The following KHNYN variants were observed in gnomAD, a reference collection of about 807,000 sequenced individuals.
KHNYN encodes the protein KH and NYN domain containing.
KHNYN carries 42 observed loss-of-function variants against 62.7 expected under a neutral mutation model. The observed-to-expected ratio is 0.67, with a 90% CI of 0.52 to 0.87. The LOEUF is 0.87. Among genes scored for constraint, KHNYN ranks in the 40% least tolerant of loss-of-function variants. The probability of loss-of-function intolerance (pLI) is 0.00; values close to 1 mark genes in which losing one functional copy is unlikely to be tolerated. For synonymous variants in KHNYN, 347 were observed against 345.6 expected, an observed-to-expected ratio of 1.00 and a Z score of -0.04; for missense variants, 829 against 874.1, an observed-to-expected ratio of 0.95 and a Z score of 0.65.
intron 5 of KHNYN, chr14:24,434,274 A>G (rs2043171234): frequency 1.0e-6 from 1 of 985,354 alleles, no homozygotes; most frequent in African/African-American, 1.7e-5. Flanking sequence ...AGTAACAGTG[A>G]ATAAGCACAG....
chr14:24,432,608 G>A lies in KHNYN; in HGVS notation c.1347G>A (p.Met449Ile). ...HIVIDGSNVA[M>I]VHGLQHYFSS... ...TCATTGACGGCAGCAACGTGGCCAT[G>A]GTGTGAGTACCTGGTGGGGCTAAGG... Residue 449 changes from methionine to isoleucine, a missense_variant and splice_region_variant, in exon 3 of 8, where the codon ATG (methionine) becomes ATA (isoleucine). Met to Ile is a conservative substitution (Grantham distance 10, BLOSUM62 1). Around this residue, in one of 2 missense-constraint regions of KHNYN, gnomAD observed 270 missense variants for 347.1 expected, o/e 0.78. Transcript: ENST00000553935. The surrounding 1 kb of genome is among the most constrained non-coding windows in gnomAD (Gnocchi z 5.6). The A allele has an allele frequency of 6.2e-7, 1 of 1,606,906 alleles. No individual in the cohort carries two copies.
chr14:24,434,196 G>A (rs2043170088), intron 5 of KHNYN: 1 of 985,268 alleles, frequency 1.0e-6, no homozygotes, highest in South Asian at 4.7e-5. Context: ...GAATGTTAAA[G>A]GCATGTGTCT....
upstream of KHNYN, chr14:24,429,072 A>G (rs1374472472): frequency 2.0e-6 from 3 of 1,474,768 alleles, no homozygotes; most frequent in Middle Eastern, 4.5e-4. Flanking sequence ...GGGCTCTGCA[A>G]CCCACAAGTG....
chr14:24,424,694 G>A (rs555063231), upstream of KHNYN, among the ~76,000 whole-genome samples: 1 of 152,336 alleles, frequency 6.6e-6, no homozygotes, highest in South Asian at 2.1e-4. Flanking sequence ...GAAGGACTTG[G>A]CTTGCAGTTG....
Position 24,439,752 on chromosome 14 carries a change from G to A in KHNYN, c.*2467G>A, listed in dbSNP as rs1410031061. The A allele has an allele frequency of 5.0e-6, 1 of 198,670 alleles. No homozygotes were observed. The highest frequency in any genetic ancestry group is 1.0e-5 in the Non-Finnish European group (1 of 99,256). The allele number at this position is 198,670 out of a possible 1,614,324, so 12.3% of individuals were successfully genotyped here. A position where few individuals can be genotyped will look rare whatever the true frequency, so the allele number is the denominator to read the frequency against. The stretch of plus-strand genomic sequence containing the variant: ...AAATCCCAGGAGAATCTAGGCCAAA[G>A]AGATGAGCCAAGGTTAGTGAGACAA... On this transcript the variant is annotated 3_prime_UTR_variant, in exon 8 of 8. Coordinates refer to ENST00000553935, the MANE Select transcript of KHNYN (RefSeq NM_015299.3).
rs772245487 is a variant in KHNYN, at chr14:24,437,335, G to C, written c.*50G>C. 6.4e-7 allele frequency: 1 copy of C among 1,571,320 alleles called. No homozygotes were observed. Among genetic ancestry groups the C allele is most frequent in the Non-Finnish European group, 8.6e-7 (1 of 1,156,878 alleles). On this transcript the variant is annotated 3_prime_UTR_variant, in exon 8 of 8. Transcript: ENST00000553935. This position sits in a 1 kb window ranked among gnomAD's most constrained non-coding sequence, Gnocchi z 5.5. The stretch of plus-strand genomic sequence containing the variant: ...GCCCTGTCAGCTCCAGCCGCCTCCA[G>C]CTCAGCCCTTTCTGTGAGAGTCCCT...
intron 5 of KHNYN, chr14:24,435,864 G>A (rs903226645): frequency 1.5e-4 from 88 of 583,210 alleles, no homozygotes; most frequent in Non-Finnish European, 2.6e-4. Context: ...AACTTCTGGG[G>A]TTGGGGCCTT....
In KHNYN at chr14:24,438,229, A is replaced by G. The variant is rs2139400051; in HGVS notation, c.*944A>G. 6.6e-6 allele frequency: 1 copy of G among 152,660 alleles called. No homozygotes were observed. Among genetic ancestry groups the G allele is most frequent in the East Asian group, 1.9e-4 (1 of 5,206 alleles). The allele number at this position is 152,660 out of a possible 1,614,324, so 9.5% of individuals were successfully genotyped here. A position where few individuals can be genotyped will look rare whatever the true frequency, so the allele number is the denominator to read the frequency against. ...TGTTGTATTCAGGTGTTGTTTACAG[A>G]CTAACAAATGTGTTGGCAAATCCCT... On this transcript the variant is annotated 3_prime_UTR_variant, in exon 8 of 8. Transcript: ENST00000553935.
chr14:24,440,356 G>T lies in KHNYN; in HGVS notation c.*3071G>T. The T allele has an allele frequency of 1.2e-6, 2 of 1,614,024 alleles. No individual in the cohort carries two copies. The highest frequency in any genetic ancestry group is 1.7e-6 in the Non-Finnish European group (2 of 1,179,894). Reference sequence around the variant, plus strand: ...GCACGTGGTTTGCTTCAAGGGCATGGGTCAGGATTCCTGCCAGGTCCCCGA... The same window carrying T: ...GCACGTGGTTTGCTTCAAGGGCATGTGTCAGGATTCCTGCCAGGTCCCCGA... On this transcript the variant is annotated 3_prime_UTR_variant, in exon 8 of 8. Coordinates refer to ENST00000553935, the MANE Select transcript of KHNYN (RefSeq NM_015299.3).
At chr14:24,428,044 C>G, upstream of KHNYN, 5 of 1,542,930 alleles carry the variant, frequency 3.2e-6, no homozygotes, top group Non-Finnish European at 4.4e-6. Context: ...GGACCCCCCA[C>G]TTTCCCAGGA....
At chr14:24,429,086 C>T (rs1407315387), upstream of KHNYN, 41 of 1,463,648 alleles carry the variant, frequency 2.8e-5, no homozygotes, top group African/African-American at 4.3e-5. Flanking sequence ...ACAAGTGCCC[C>T]GGTCTTCTGC....
Position 24,431,958 on chromosome 14 carries a change from G to T in KHNYN, c.697G>T (p.Glu233Ter), listed in dbSNP as rs183267849. The T allele has an allele frequency of 1.2e-6, 2 of 1,613,312 alleles. No individual in the cohort carries two copies. The highest frequency in any genetic ancestry group is 1.7e-6 in the Non-Finnish European group (2 of 1,179,450). The change falls in exon 3 of 8, where the codon GAG becomes TAG. Residue 233 changes from glutamate to a stop codon, truncating the protein, a stop_gained. Coordinates refer to ENST00000553935, the MANE Select transcript of KHNYN (RefSeq NM_015299.3). LOFTEE classifies it high-confidence loss of function. ...GVRAPPSDGR[E>*]SLDTGSMGPG... ...GAGAGCTCCCCCTAGTGACGGCAGGGAGTCCCTGGACACTGGATCTATGGG... is the reference window on the plus strand; with the variant it reads ...GAGAGCTCCCCCTAGTGACGGCAGGTAGTCCCTGGACACTGGATCTATGGG...
chr14:24,429,536 C>T (rs1033984856), upstream of KHNYN: 11 of 450,644 alleles, frequency 2.4e-5, no homozygotes, highest in Non-Finnish European at 4.5e-5. Flanking sequence ...TTCTTCGTGG[C>T]ATCTTTCCGT....
the KHNYN span, among the ~76,000 whole-genome samples, chr14:24,423,453 G>A: frequency 6.6e-6 from 1 of 152,166 alleles, no homozygotes; most frequent in Admixed American, 6.5e-5. Flanking sequence ...AGACAGGCAG[G>A]AGGAAGCAGA....
chr14:24,433,067 T>C (rs1301271319), intron 5 of KHNYN, 35 bp downstream of exon 5: 1 of 1,566,966 alleles, frequency 6.4e-7, no homozygotes, highest in South Asian at 1.1e-5. Flanking sequence ...GGCTTGATAT[T>C]GAAGGAGCCC....
At chr14:24,425,863 T>C (rs1214092558), upstream of KHNYN, among the ~76,000 whole-genome samples, 1 of 152,252 alleles carries the variant, frequency 6.6e-6, no homozygotes, top group Non-Finnish European at 1.5e-5. Flanking sequence ...TATACTCAAA[T>C]AGTTCCACCA....
rs767221785 is a variant in KHNYN, at chr14:24,431,871, G to A, written c.610G>A (p.Gly204Arg). The A allele has an allele frequency of 8.1e-6, 13 of 1,613,960 alleles. No homozygotes were observed. In the South Asian group the frequency reaches 1.3e-4, roughly 16 times the overall value. ...VQEASSGQGP[G>R]ALASWEGRSS... ...GGAGGCGTCTAGTGGGCAGGGGCCA[G>A]GAGCACTGGCTTCTTGGGAGGGGCG... The change falls in exon 3 of 8, where the codon GGA becomes AGA. Residue 204 changes from glycine to arginine, a missense_variant. Gly to Arg is a moderately radical substitution (Grantham distance 125, BLOSUM62 -2). Around this residue, in one of 2 missense-constraint regions of KHNYN, gnomAD observed 559 missense variants for 527.0 expected, o/e 1.06. Transcript: ENST00000553935.
In KHNYN at chr14:24,432,563, G is replaced by T; in HGVS notation, c.1302G>T (p.Gln434His). ...TGTGCCTTGCCAATGTGCCTGGCCA[G>T]CCAGACCTCCGCCATATTGTCATTG... ...FTLCLANVPGQPDLRHIVIDG... is the reference protein window; with the variant it reads ...FTLCLANVPGHPDLRHIVIDG... The change falls in exon 3 of 8, where the codon CAG becomes CAT. Residue 434 changes from glutamine (Q) to histidine (H), a missense_variant. Coordinates refer to ENST00000553935, the MANE Select transcript of KHNYN (RefSeq NM_015299.3). The surrounding 1 kb of genome is among the most constrained non-coding windows in gnomAD (Gnocchi z 5.6). 1 of 1,609,836 alleles carries T rather than the reference G, an allele frequency of 6.2e-7. No individual in the cohort carries two copies.
At chr14:24,434,404 T>C in intron 5 of KHNYN, 1 of 955,388 alleles carries the variant, frequency 1.0e-6, no homozygotes, top group Non-Finnish European at 1.2e-6. Flanking sequence ...TACCATATAA[T>C]TTTTTTTTGG....
Sources: gnomAD v4.1 joint callset for allele counts (sites outside exome capture counted in the v4.1 genomes callset) on GRCh38, gnomAD v4.1.1 for gene constraint, gnomAD v4.1.1 regional missense constraint, Gnocchi (gnomAD v3.1) non-coding constraint, MANE v1.5 for transcripts, NCBI Gene and HGNC (gene_info 2026-07-23, HGNC 2026-07-21) for gene names.